SLC13A1: variants seen among roughly 807,000 people sequenced by gnomAD.
SLC13A1 encodes the protein solute carrier family 13 member 1.
Under a neutral mutation model 70.0 loss-of-function variants are expected in SLC13A1, and 65 were observed. The ratio of observed to expected loss-of-function variants is 0.93; its 90% CI spans 0.76 to 1.14. The LOEUF is 1.14. SLC13A1 is among the 50% of genes most tolerant of loss of function. SLC13A1 has a pLI of 0.00. For synonymous variants in SLC13A1, 275 were observed against 250.5 expected (o/e 1.10, Z -0.92); for missense variants, 726 against 717.8 (o/e 1.01, Z -0.13).
chr7:123,124,610 T>C (rs1793497822), intron 11 of SLC13A1, among the ~76,000 whole-genome samples: 1 of 152,068 alleles, frequency 6.6e-6, no homozygotes, highest in African/African-American at 2.4e-5. Context: ...ATTGACAAGA[T>C]AGGAATCTGA....
intron 2 of SLC13A1, among the ~76,000 whole-genome samples, chr7:123,179,017 CTA>C (rs2116604779): frequency 6.6e-6 from 1 of 151,904 alleles, no homozygotes; most frequent in Admixed American, 6.6e-5. Flanking sequence ...CATTGACAAA[CTA>C]GAGTTAGTTT....
intron 1 of SLC13A1, among the ~76,000 whole-genome samples, chr7:123,197,403 T>C (rs2116698460): frequency 6.6e-6 from 1 of 152,242 alleles, no homozygotes; most frequent in South Asian, 2.1e-4. Context: ...AAGCATAGAC[T>C]TCTTCAGTTT....
Position 123,133,075 on chromosome 7 carries a change from T to A in SLC13A1, c.932+1335A>T, listed in dbSNP as rs576154876. 1.4e-4 allele frequency among the ~76,000 whole-genome samples: 22 copies of A among 152,280 alleles called. 1 individual carries two copies. The South Asian group carries it at 4.4e-3, about 30-fold the overall frequency. ...TTACTTTGACTTCTATGTGTTCAAC[T>A]TAGGCCCAGATGTGTTAGAATTATA... On this transcript the variant is annotated intron_variant, in intron 8 of 14. Transcript: ENST00000194130.
At chr7:123,178,599 T>A (rs1214504680) in intron 2 of SLC13A1, among the ~76,000 whole-genome samples, 2 of 152,146 alleles carry the variant, frequency 1.3e-5, no homozygotes, top group Non-Finnish European at 2.9e-5. Context: ...TAATCAGTGA[T>A]AAATATCAAA....
chr7:123,117,715 C>A (rs938987966), intron 13 of SLC13A1, 107 bp from the exon 14 acceptor site: 3 of 556,762 alleles, frequency 5.4e-6, no homozygotes, highest in Non-Finnish European at 6.2e-6. Flanking sequence ...ATGTTGGAAC[C>A]TAATGATATA....
intron 1 of SLC13A1, 84 bp from the exon 2 acceptor site, chr7:123,181,185 G>C: frequency 2.8e-6 from 4 of 1,418,202 alleles, no homozygotes; most frequent in South Asian, 1.3e-5. Context: ...TTGCTTAATA[G>C]AGCCATGTCA....
intron 2 of SLC13A1, among the ~76,000 whole-genome samples, chr7:123,175,713 T>G (rs2116585785): frequency 6.6e-6 from 1 of 152,298 alleles, no homozygotes; most frequent in Admixed American, 6.5e-5. Context: ...TTACCCAGCT[T>G]AATGTATTTT....
intron 2 of SLC13A1, among the ~76,000 whole-genome samples, 167 bp downstream of exon 2, chr7:123,180,806 G>T (rs1431890021): frequency 4.6e-5 from 7 of 152,058 alleles, no homozygotes; most frequent in African/African-American, 1.7e-4. Flanking sequence ...GTTCTTTGAA[G>T]GTGGACACAC....
rs28364189 is a variant in SLC13A1 at position 123,171,751 on chromosome 7, G to A, written c.365+17C>T. The A allele has an allele frequency of 2.2e-4, 353 of 1,612,650 alleles. 1 individual carries two copies. In the African/African-American group the frequency reaches 4.4e-3, roughly 20 times the overall value. ...CTGTTCAGCAGGTAAACTGGAAGCA[G>A]TAAATGCAGTACTTACCATGCAGGA... On this transcript the variant is annotated intron_variant, in intron 3 of 14. Coordinates refer to ENST00000194130, the MANE Select transcript of SLC13A1 (RefSeq NM_022444.4).
rs1282179334 is a variant in SLC13A1 at position 123,171,716 on chromosome 7, CA to C, written c.365+51del. On this transcript the variant is annotated intron_variant, in intron 3 of 14. Coordinates refer to ENST00000194130, the MANE Select transcript of SLC13A1 (RefSeq NM_022444.4). ...TACTTATTTGATTATTTGCTCTGCA[CA>C]AAAATGGTCTGTTCAGCAGGTAAAC... 2.5e-5 allele frequency: 39 copies of C among 1,584,448 alleles called. No individual in the cohort carries two copies. In the East Asian group the frequency reaches 8.6e-4, roughly 35 times the overall value.
At chr7:123,136,852 C>T (rs954872597) in intron 7 of SLC13A1, among the ~76,000 whole-genome samples, 1 of 152,026 alleles carries the variant, frequency 6.6e-6, no homozygotes, top group Admixed American at 6.6e-5. Flanking sequence ...CAAGAAGGAG[C>T]CAGTCATGTG....
chr7:123,176,671 A>G (rs560000485), intron 2 of SLC13A1, among the ~76,000 whole-genome samples: 33 of 152,216 alleles, frequency 2.2e-4, no homozygotes, highest in Non-Finnish European at 4.3e-4. Flanking sequence ...TAAATCCAAT[A>G]GCCAATATCT....
chr7:123,182,049 T>A (rs924795288), intron 1 of SLC13A1, among the ~76,000 whole-genome samples: 3 of 152,154 alleles, frequency 2.0e-5, no homozygotes, highest in African/African-American at 4.8e-5. Flanking sequence ...TTCTAAGATA[T>A]CCTTAATAAG....
chr7:123,152,408 T>C (rs1178897047), intron 6 of SLC13A1, among the ~76,000 whole-genome samples: 1 of 152,142 alleles, frequency 6.6e-6, no homozygotes, highest in Admixed American at 6.6e-5. Context: ...ATTTTTTTTC[T>C]AATTTTTTAA....
At chr7:123,127,980 T>C (rs1016814345) in intron 10 of SLC13A1, among the ~76,000 whole-genome samples, 3 of 151,774 alleles carry the variant, frequency 2.0e-5, no homozygotes, top group African/African-American at 4.8e-5. Context: ...GTTATTTATA[T>C]TGACATATAG....
At chr7:123,137,081 A>G (rs1162756303) in intron 7 of SLC13A1, among the ~76,000 whole-genome samples, 1 of 152,182 alleles carries the variant, frequency 6.6e-6, no homozygotes, top group East Asian at 1.9e-4. Flanking sequence ...CAAATGCAAT[A>G]AGGACTAATT....
intron 7 of SLC13A1, among the ~76,000 whole-genome samples, chr7:123,144,695 A>T (rs1165476514): frequency 6.6e-6 from 1 of 152,192 alleles, no homozygotes; most frequent in Non-Finnish European, 1.5e-5. Context: ...TGTAGAAATG[A>T]TGCCCCATAA....
intron 7 of SLC13A1, 24 bp from the exon 8 acceptor site, chr7:123,134,553 T>C (rs1240141483): frequency 4.5e-5 from 73 of 1,607,892 alleles, no homozygotes; most frequent in Non-Finnish European, 6.2e-5. Flanking sequence ...TGGAGACGTG[T>C]TCAGGGATGG....
Position 123,114,263 on chromosome 7 carries a change from T to TA in SLC13A1, c.*1254dup. 1 of 152,186 alleles carries TA rather than the reference T, an allele frequency of 6.6e-6. No individual in the cohort carries two copies. Among genetic ancestry groups the TA allele is most frequent in the East Asian group, 1.9e-4 (1 of 5,188 alleles). The allele number at this position is 152,186 out of a possible 1,614,324, so 9.4% of individuals were successfully genotyped here. Reference sequence around the variant, plus strand: ...TGGAATGCCAATAGCACTTACTCTTTAAAAATTTATTTATTGATATATAAT... The same window carrying TA: ...TGGAATGCCAATAGCACTTACTCTTTAAAAAATTTATTTATTGATATATAAT... On this transcript the variant is annotated 3_prime_UTR_variant, in exon 15 of 15. Transcript: ENST00000194130.
Sources: gnomAD v4.1 joint callset for allele counts (sites outside exome capture counted in the v4.1 genomes callset) on GRCh38, gnomAD v4.1.1 for gene constraint, MANE v1.5 for transcripts, NCBI Gene and HGNC (gene_info 2026-07-23, HGNC 2026-07-21) for gene names.